SIL1: variants seen among roughly 807,000 people sequenced by gnomAD.
The protein encoded by SIL1 is SIL1 nucleotide exchange factor.
SIL1 carries 40 observed loss-of-function variants against 49.1 expected under a neutral mutation model. That is an observed-to-expected ratio of 0.81 (90% CI 0.63 to 1.06). SIL1 has a LOEUF of 1.06. SIL1 is among the 50% of genes least tolerant of loss of function. SIL1 has a pLI of 0.00. For synonymous variants in SIL1, 253 were observed against 250.8 expected (o/e 1.01, Z -0.08); for missense variants, 500 against 572.6 (o/e 0.87, Z 1.29).
intron 5 of SIL1, among the ~76,000 whole-genome samples, chr5:139,037,704 C>T (rs1453203442): frequency 6.6e-6 from 1 of 151,892 alleles, no homozygotes; most frequent in Non-Finnish European, 1.5e-5. Flanking sequence ...GTTCTTTTTT[C>T]TTATCTTCTG....
At position 139,053,261 on chromosome 5, in the gene SIL1, C is replaced by T. The variant is rs147254778; in HGVS notation, c.245-2215G>A. On this transcript the variant is annotated intron_variant, in intron 3 of 9. Coordinates refer to ENST00000394817, the MANE Select transcript of SIL1 (RefSeq NM_022464.5). ...GGATGAATGCTAAAATGCCAGCCCCCTTTACTCTACCACATTGATACCCAA... is the reference window on the plus strand; with the variant it reads ...GGATGAATGCTAAAATGCCAGCCCCTTTTACTCTACCACATTGATACCCAA... Among the ~76,000 whole-genome samples, 20 of 152,274 alleles carry T rather than the reference C, an allele frequency of 1.3e-4. No individual in the cohort carries two copies. The East Asian group carries it at 3.7e-3, about 28-fold the overall frequency.
intron 3 of SIL1, among the ~76,000 whole-genome samples, chr5:139,098,579 A>G (rs974873802): frequency 6.6e-6 from 1 of 152,172 alleles, no homozygotes; most frequent in Non-Finnish European, 1.5e-5. Context: ...TAACCAAAGC[A>G]AAAATGAACA....
chr5:139,026,741 A>T (rs1426461874), intron 6 of SIL1, 60 bp downstream of exon 6: 2 of 1,469,118 alleles, frequency 1.4e-6, no homozygotes, highest in Non-Finnish European at 1.9e-6. Context: ...GGGCTTAGGG[A>T]AGGGGGATTT....
intron 7 of SIL1, 91 bp from the exon 8 acceptor site, chr5:138,951,975 G>T: frequency 8.6e-7 from 1 of 1,157,748 alleles, no homozygotes; most frequent in Non-Finnish European, 1.3e-6. Context: ...CATCCCTGGG[G>T]AGAAACAAGA....
intron 3 of SIL1, among the ~76,000 whole-genome samples, chr5:139,054,629 C>T (rs10075541): frequency 0.42 from 63,565 of 151,792 alleles, 14,084 homozygotes; most frequent in African/African-American, 0.58. Context: ...AAACTTTTGA[C>T]CAAAGTTAGA....
Position 138,947,360 on chromosome 5 carries a change from G to C in SIL1, c.1143C>G (p.Ile381Met). 1 of 1,613,702 alleles carries C rather than the reference G, an allele frequency of 6.2e-7. No homozygotes were observed. The highest frequency in any genetic ancestry group is 8.5e-7 in the Non-Finnish European group (1 of 1,180,042). The change falls in exon 10 of 10, where the codon ATC (isoleucine) becomes ATG (methionine). Residue 381 changes from isoleucine to methionine, a missense_variant. Transcript: ENST00000394817. The surrounding 1 kb of genome is among the most constrained non-coding windows in gnomAD (Gnocchi z 4.1). ...CGGGCAGCGCCAGGAGGTGGGCCGT[G>C]ATCTCGCACCAGCCCTGTTCCCACA... ...PGLWEQGWCE[I>M]TAHLLALPEH...
rs370461270 is a variant in SIL1, at chr5:138,971,975, C to T, written c.768-20091G>A. ...TATCAAAGCAGCTTCCCTTCTCAAG[C>T]GTGTCCAAAACTCAGGTCTCCTTCA... On this transcript the variant is annotated intron_variant, in intron 7 of 9. Coordinates refer to ENST00000394817, the MANE Select transcript of SIL1 (RefSeq NM_022464.5). Among the ~76,000 whole-genome samples, 30 of 152,272 alleles carry T rather than the reference C, an allele frequency of 2.0e-4. No homozygotes were observed. In the East Asian group the frequency reaches 3.3e-3, roughly 17 times the overall value.
chr5:139,051,752 T>A (rs1398952018), intron 3 of SIL1, among the ~76,000 whole-genome samples: 1 of 152,168 alleles, frequency 6.6e-6, no homozygotes, highest in Non-Finnish European at 1.5e-5. Flanking sequence ...CACCCACCTA[T>A]CTATGGAGCT....
chr5:139,163,351 T>C (rs546717150), intron 1 of SIL1, among the ~76,000 whole-genome samples: 3 of 152,122 alleles, frequency 2.0e-5, no homozygotes, highest in African/African-American at 7.2e-5. Context: ...AAGAAATGCT[T>C]CACTGTTTTG....
Position 139,099,227 on chromosome 5 carries a change from C to T in SIL1, c.244+21808G>A, listed in dbSNP as rs996344378. 2.6e-5 allele frequency among the ~76,000 whole-genome samples: 4 copies of T among 152,182 alleles called. No individual in the cohort carries two copies. In the South Asian group the frequency reaches 6.2e-4, roughly 24 times the overall value. Reference sequence around the variant, plus strand: ...GTGCATCAAAACTACAATGAGATATCATCTCATCTCACCCCAGTTAAAATG... The same window carrying T: ...GTGCATCAAAACTACAATGAGATATTATCTCATCTCACCCCAGTTAAAATG... On this transcript the variant is annotated intron_variant, in intron 3 of 9. Coordinates refer to ENST00000394817, the MANE Select transcript of SIL1 (RefSeq NM_022464.5).
At chr5:139,164,334 GTTCT>G (rs1454782723) in intron 1 of SIL1, among the ~76,000 whole-genome samples, 2 of 151,934 alleles carry the variant, frequency 1.3e-5, no homozygotes, top group African/African-American at 4.8e-5. Flanking sequence ...AGAAAAAACA[GTTCT>G]TTCTGGTTAC....
chr5:139,068,392 G>A (rs528737044), intron 3 of SIL1, among the ~76,000 whole-genome samples: 3 of 152,280 alleles, frequency 2.0e-5, no homozygotes, highest in Admixed American at 6.5e-5. Context: ...ACTTCAAGGG[G>A]CCACAGCTGT....
At chr5:139,177,057 C>T (rs1202345237) in intron 1 of SIL1, among the ~76,000 whole-genome samples, 4 of 150,974 alleles carry the variant, frequency 2.6e-5, no homozygotes, top group African/African-American at 9.7e-5. Flanking sequence ...CTCAGCCTCC[C>T]GAGTAGCTGG....
intron 7 of SIL1, among the ~76,000 whole-genome samples, chr5:138,974,820 G>A (rs1054134836): frequency 3.9e-5 from 6 of 152,182 alleles, no homozygotes; most frequent in Non-Finnish European, 7.3e-5. Flanking sequence ...TCCTTACAAT[G>A]TGCTGTGTTC....
At chr5:139,014,362 C>T (rs1768353357) in intron 7 of SIL1, 2 of 120,820 alleles carry the variant, frequency 1.7e-5, no homozygotes, top group East Asian at 2.1e-4. Flanking sequence ...AGTGAAACTT[C>T]GTCTCAAAAA....
At chr5:139,160,381 G>T (rs1403449338) in intron 1 of SIL1, among the ~76,000 whole-genome samples, 2 of 152,148 alleles carry the variant, frequency 1.3e-5, no homozygotes, top group Admixed American at 6.5e-5. Context: ...CTGAAAAGGG[G>T]CAGTAAAAGA....
At chr5:138,969,557 C>T (rs1767227268) in intron 7 of SIL1, among the ~76,000 whole-genome samples, 1 of 152,238 alleles carries the variant, frequency 6.6e-6, no homozygotes, top group Admixed American at 6.5e-5. Context: ...CTGAGAGCCA[C>T]TCACAGTCAG....
intron 1 of SIL1, among the ~76,000 whole-genome samples, chr5:139,170,883 C>T (rs1342681498): frequency 6.7e-6 from 1 of 149,998 alleles, no homozygotes; most frequent in Non-Finnish European, 1.5e-5. Context: ...GCGCCTCTGC[C>T]CAGCCGCCCC....
chr5:138,970,758 T>C (rs1464880431), intron 7 of SIL1, among the ~76,000 whole-genome samples: 1 of 152,042 alleles, frequency 6.6e-6, no homozygotes, highest in Non-Finnish European at 1.5e-5. Flanking sequence ...AAAAATTAGC[T>C]GGGTGTGGCG....
Sources: allele counts gnomAD v4.1 joint callset (sites outside exome capture counted in the v4.1 genomes callset), GRCh38; gene constraint gnomAD v4.1.1; non-coding constraint Gnocchi (gnomAD v3.1); transcripts MANE v1.5; gene names NCBI Gene and HGNC (gene_info 2026-07-23, HGNC 2026-07-21).